The following ADK variants were observed in gnomAD, a reference collection of about 807,000 sequenced individuals.
The protein encoded by ADK is N6,N6-dimethyladenosine kinase.
ADK carries 24 observed loss-of-function variants against 44.7 expected under a neutral mutation model. The ratio of observed to expected loss-of-function variants is 0.54; its 90% CI spans 0.39 to 0.76. The LOEUF is 0.76. Among genes scored for constraint, ADK ranks in the 30% least tolerant of loss-of-function variants. The pLI is 0.00. For missense variants in ADK, 321 were observed against 425.1 expected (o/e 0.76, Z 2.15); for synonymous variants, 128 against 142.6 (o/e 0.90, Z 0.73).
At chr10:74,576,277 T>A (rs984933125) in intron 7 of ADK, among the ~76,000 whole-genome samples, 1 of 152,162 alleles carries the variant, frequency 6.6e-6, no homozygotes, top group Non-Finnish European at 1.5e-5. Flanking sequence ...CGATGAAGTC[T>A]CATTTTTCAT....
At chr10:74,671,484 T>TACA (rs1451551263) in intron 10 of ADK, among the ~76,000 whole-genome samples, 23 of 152,230 alleles carry the variant, frequency 1.5e-4, no homozygotes, top group Admixed American at 6.5e-5. Context: ...AAAGAGTCTG[T>TACA]ACCACAGACA....
intron 3 of ADK, among the ~76,000 whole-genome samples, chr10:74,243,532 A>G (rs995025586): frequency 2.6e-5 from 4 of 152,204 alleles, no homozygotes; most frequent in Admixed American, 1.3e-4. Context: ...ATTATTCAGC[A>G]CACTGTTAGT....
chr10:74,602,805 C>G (rs1204858158), intron 9 of ADK, among the ~76,000 whole-genome samples: 1 of 152,194 alleles, frequency 6.6e-6, no homozygotes, highest in Non-Finnish European at 1.5e-5. Flanking sequence ...ATAAGCTATT[C>G]AGTGCACAAG....
At chr10:74,403,378 G>A (rs1006990707) in intron 6 of ADK, among the ~76,000 whole-genome samples, 1 of 152,164 alleles carries the variant, frequency 6.6e-6, no homozygotes, top group Non-Finnish European at 1.5e-5. Context: ...TCCTTGAGCT[G>A]CTGTGGGCTC....
intron 9 of ADK, among the ~76,000 whole-genome samples, 155 bp from the exon 10 acceptor site, chr10:74,670,028 C>T (rs1855111703): frequency 6.6e-6 from 1 of 152,192 alleles, no homozygotes; most frequent in African/African-American, 2.4e-5. Context: ...TGATTTTGCA[C>T]CTTAGTTCCC....
rs566795819 is a variant in ADK, at chr10:74,324,603, G to T, written c.273+9858G>T. Among the ~76,000 whole-genome samples, 7 of 152,190 alleles carry T rather than the reference G, an allele frequency of 4.6e-5. No individual in the cohort carries two copies. The East Asian group carries it at 1.3e-3, about 29-fold the overall frequency. Reference sequence around the variant, plus strand: ...GATTTTGTTCCTTTTTTTTGTGGATGAATAGTATTCCATTGTGTATATATA... The same window carrying T: ...GATTTTGTTCCTTTTTTTTGTGGATTAATAGTATTCCATTGTGTATATATA... On this transcript the variant is annotated intron_variant, in intron 4 of 10. Coordinates refer to ENST00000539909, the MANE Select transcript of ADK (RefSeq NM_006721.4).
At chr10:74,400,986 C>T (rs944782026) in intron 6 of ADK, among the ~76,000 whole-genome samples, 6 of 152,184 alleles carry the variant, frequency 3.9e-5, no homozygotes, top group African/African-American at 1.4e-4. Flanking sequence ...TATGGATACA[C>T]CAGCATCCTC....
intron 1 of ADK, among the ~76,000 whole-genome samples, chr10:74,151,759 G>A (rs544367915): frequency 5.3e-5 from 8 of 152,316 alleles, no homozygotes; most frequent in Middle Eastern, 3.4e-3. Flanking sequence ...CAGAATTCTT[G>A]GGGATTTTTC....
At chr10:74,558,038 C>T (rs1442930925) in intron 7 of ADK, among the ~76,000 whole-genome samples, 2 of 152,120 alleles carry the variant, frequency 1.3e-5, no homozygotes, top group Non-Finnish European at 2.9e-5. Context: ...TGCACTGGGT[C>T]AGAGTGACCA....
At chr10:74,332,769 T>C (rs952081680) in intron 4 of ADK, among the ~76,000 whole-genome samples, 1 of 152,166 alleles carries the variant, frequency 6.6e-6, no homozygotes, top group African/African-American at 2.4e-5. Flanking sequence ...ACCAATGAAA[T>C]GTAAGATGGT....
At chr10:74,591,817 C>T (rs868041071) in intron 8 of ADK, among the ~76,000 whole-genome samples, 4 of 151,966 alleles carry the variant, frequency 2.6e-5, no homozygotes, top group Middle Eastern at 6.8e-3. Context: ...AGTATTTTTT[C>T]CTTCCATCAG....
At chr10:74,625,967 G>A (rs1853187239) in intron 9 of ADK, among the ~76,000 whole-genome samples, 1 of 152,116 alleles carries the variant, frequency 6.6e-6, no homozygotes, top group African/African-American at 2.4e-5. Context: ...ATCAACTAGT[G>A]TAGTTGATAC....
chr10:74,302,127 T>TTTTTTTTTTTTTTTTTTTTTG (rs1840075023), intron 3 of ADK, among the ~76,000 whole-genome samples: 2 of 99,664 alleles, frequency 2.0e-5, no homozygotes, highest in African/African-American at 4.3e-5. Context: ...TTTTTTTTTT[T>TTTTTTTTTTTTTTTTTTTTTG]TTTTTTTTTT....
chr10:74,669,036 TAA>T (rs780953296), intron 9 of ADK, among the ~76,000 whole-genome samples: 10 of 131,866 alleles, frequency 7.6e-5, no homozygotes, highest in Admixed American at 1.5e-4. Context: ...GAGCAAGACC[TAA>T]AAAAAAAAAA....
At chr10:74,669,515 C>T (rs1855093925) in intron 9 of ADK, among the ~76,000 whole-genome samples, 2 of 152,184 alleles carry the variant, frequency 1.3e-5, no homozygotes, top group South Asian at 4.1e-4. Context: ...GGCAAAATCC[C>T]GTTGCACTGT....
At chr10:74,565,271 A>G (rs1564794616) in intron 7 of ADK, among the ~76,000 whole-genome samples, 1 of 152,184 alleles carries the variant, frequency 6.6e-6, no homozygotes, top group Non-Finnish European at 1.5e-5. Flanking sequence ...AAACATTACT[A>G]CTATATCCTT....
intron 1 of ADK, among the ~76,000 whole-genome samples, chr10:74,175,093 A>G (rs1337647848): frequency 6.6e-6 from 1 of 152,236 alleles, no homozygotes; most frequent in Non-Finnish European, 1.5e-5. Flanking sequence ...TCTAGTAGCC[A>G]CATTAAAAAA....
chr10:74,414,461 C>T (rs549091716), intron 6 of ADK, among the ~76,000 whole-genome samples: 4 of 152,240 alleles, frequency 2.6e-5, no homozygotes, highest in African/African-American at 7.2e-5. Flanking sequence ...ATAGGCTGGA[C>T]GTGGTGGCTC....
At chr10:74,615,340 C>A (rs1026440250) in intron 9 of ADK, among the ~76,000 whole-genome samples, 2 of 152,064 alleles carry the variant, frequency 1.3e-5, no homozygotes, top group African/African-American at 4.8e-5. Context: ...ATTTTGGTTT[C>A]TTTTCACATC....
Sources: allele counts gnomAD v4.1 joint callset (sites outside exome capture counted in the v4.1 genomes callset), GRCh38; gene constraint gnomAD v4.1.1; transcripts MANE v1.5; gene names NCBI Gene and HGNC (gene_info 2026-07-23, HGNC 2026-07-21).